The following PROSER2 variants were observed in gnomAD, a reference collection of about 807,000 sequenced individuals.
PROSER2 encodes proline and serine-rich protein 2.
Under a neutral mutation model 14.6 loss-of-function variants are expected in PROSER2, and 18 were observed. The ratio of observed to expected loss-of-function variants is 1.23; its 90% CI spans 0.85 to 1.83. The LOEUF (loss-of-function observed/expected upper bound fraction) is 1.83, where lower values mean the gene tolerates loss of function less well. PROSER2 is among the 40% of genes most tolerant of loss of function. The probability of loss-of-function intolerance (pLI) is 0.00; values close to 1 mark genes in which losing one functional copy is unlikely to be tolerated. For missense variants in PROSER2, 823 were observed against 629.8 expected (o/e 1.31, Z -3.28); for synonymous variants, 367 against 286.4 (o/e 1.28, Z -2.84).
chr10:11,849,528 G>A (rs1342315092), intron 1 of PROSER2: 2 of 152,264 alleles, frequency 1.3e-5, no homozygotes, highest in Non-Finnish European at 2.9e-5. Context: ...TCCCCAAGGT[G>A]AGGTAGGAAA....
At chr10:11,834,419 A>T (rs1370484909) in intron 1 of PROSER2, among the ~76,000 whole-genome samples, 6 of 151,498 alleles carry the variant, frequency 4.0e-5, no homozygotes, top group African/African-American at 1.5e-4. Context: ...GCTCCTTGGC[A>T]GTACAGATGA....
intron 2 of PROSER2, among the ~76,000 whole-genome samples, chr10:11,861,806 T>C (rs1834244727): frequency 6.6e-6 from 1 of 152,154 alleles, no homozygotes; most frequent in East Asian, 1.9e-4. Context: ...GAGTTGGCCA[T>C]GCCTCCCGAG....
At chr10:11,860,444 C>T (rs146539153) in intron 2 of PROSER2, among the ~76,000 whole-genome samples, 15,283 of 151,532 alleles carry the variant, frequency 0.1, 1,014 homozygotes, top group Non-Finnish European at 0.15. Context: ...GTGAAACCCC[C>T]GTCTCTGCTA....
chr10:11,844,926 G>T (rs543326568), intron 1 of PROSER2, among the ~76,000 whole-genome samples: 1 of 152,132 alleles, frequency 6.6e-6, no homozygotes, highest in Non-Finnish European at 1.5e-5. Context: ...CCAGCCTTCC[G>T]CATTCTTTAT....
At chr10:11,839,822 C>CA (rs1209509215) in intron 1 of PROSER2, among the ~76,000 whole-genome samples, 1,197 of 60,624 alleles carry the variant, frequency 0.02, 7 homozygotes, top group South Asian at 0.063. Flanking sequence ...GAGATTGTCT[C>CA]AAAAAAAAAA....
rs531404961 is a variant in PROSER2, at chr10:11,856,928, A to G, written c.138+4713A>G. Among the ~76,000 whole-genome samples the G allele has an allele frequency of 5.9e-5, 9 of 152,318 alleles. No individual in the cohort carries two copies. In the East Asian group the frequency reaches 1.7e-3, roughly 29 times the overall value. On this transcript the variant is annotated intron_variant, in intron 2 of 3. Coordinates refer to ENST00000277570, the MANE Select transcript of PROSER2 (RefSeq NM_153256.4). The surrounding 1 kb of genome is among the most constrained non-coding windows in gnomAD (Gnocchi z 5.3). The stretch of plus-strand genomic sequence containing the variant: ...GGTGCCTTGAGGGAGGAGCCGCCCC[A>G]TCAGCCATAACCCCGCCCTTTCATG...
chr10:11,827,000 T>A (rs948778348), intron 1 of PROSER2, among the ~76,000 whole-genome samples: 1 of 148,918 alleles, frequency 6.7e-6, no homozygotes, highest in African/African-American at 2.5e-5. Context: ...TCCTCCCACC[T>A]CAGCCTCCAG....
chr10:11,855,222 C>A (rs982959997), intron 2 of PROSER2, among the ~76,000 whole-genome samples: 7 of 150,610 alleles, frequency 4.6e-5, no homozygotes, highest in Admixed American at 1.3e-4. Context: ...GCCTGTAATC[C>A]CAGCACTTTG....
Position 11,870,528 on chromosome 10 carries a change from T to G in PROSER2, c.*122T>G. 2.3e-6 allele frequency: 2 copies of G among 866,408 alleles called. No homozygotes were observed. The highest frequency in any genetic ancestry group is 3.3e-6 in the Non-Finnish European group (2 of 606,978). The allele number at this position is 866,408 out of a possible 1,614,324, so 53.7% of individuals were successfully genotyped here. ...TGACAGCGGGAGCCCCTGCCCTCTG[T>G]GGCACATCGGAGTCTAGAGGTGCCT... On this transcript the variant is annotated 3_prime_UTR_variant, in exon 4 of 4. Transcript: ENST00000277570.
chr10:11,852,143 G>A lies in PROSER2; in HGVS notation c.66G>A (p.Arg22=), dbSNP rs1315682235. 33 of 1,613,540 alleles carry A rather than the reference G, an allele frequency of 2.0e-5. No homozygotes were observed. Among genetic ancestry groups the A allele is most frequent in the Non-Finnish European group, 2.7e-5 (32 of 1,179,796 alleles). The stretch of plus-strand genomic sequence containing the variant: ...ACTCAGACACGTCCCCCAGCTGCAG[G>A]CTCCGAGCCTTCAGCAGAGGCGGCA... The part of the protein sequence containing the change: ...DMNSDTSPSC[R]LRAFSRGGSL... The change falls in exon 2 of 4, where the codon AGG becomes AGA. Residue 22 remains arginine (R), a synonymous_variant. Transcript: ENST00000277570.
chr10:11,852,684 ATT>A (rs33939695), intron 2 of PROSER2, among the ~76,000 whole-genome samples: 43,635 of 97,896 alleles, frequency 0.45, 8,568 homozygotes, highest in East Asian at 0.74. Context: ...ACACCCGGCT[ATT>A]TTTTTTTTTT....
chr10:11,864,586 T>C (rs1834307154), intron 2 of PROSER2, among the ~76,000 whole-genome samples: 1 of 141,522 alleles, frequency 7.1e-6, no homozygotes, highest in Non-Finnish European at 1.6e-5. Flanking sequence ...TCTGAATTTT[T>C]TTTTTCTTTT....
Position 11,859,479 on chromosome 10 carries a change from C to T in PROSER2, c.139-7052C>T, listed in dbSNP as rs190317152. Among the ~76,000 whole-genome samples the T allele has an allele frequency of 4.2e-4, 64 of 152,216 alleles. No individual in the cohort carries two copies. The East Asian group carries it at 9.7e-3, about 23-fold the overall frequency. On this transcript the variant is annotated intron_variant, in intron 2 of 3. Coordinates refer to ENST00000277570, the MANE Select transcript of PROSER2 (RefSeq NM_153256.4). ...GAAGGGAATTTACTTTTCTGCTGTC[C>T]GCCTTCTTCTACCTTTCTAACTAAT...
chr10:11,859,906 C>A (rs954800266), intron 2 of PROSER2, among the ~76,000 whole-genome samples: 1 of 152,242 alleles, frequency 6.6e-6, no homozygotes, highest in African/African-American at 2.4e-5. Context: ...ATCGCCATGA[C>A]CTGCTCCCCC....
intron 2 of PROSER2, among the ~76,000 whole-genome samples, chr10:11,861,903 C>T (rs574270239): frequency 1.8e-4 from 27 of 152,298 alleles, no homozygotes; most frequent in Non-Finnish European, 3.7e-4. Context: ...GGGCAGAAAA[C>T]GTGCAAGATG....
intron 3 of PROSER2, among the ~76,000 whole-genome samples, chr10:11,867,140 C>T (rs1290665149): frequency 2.0e-5 from 3 of 151,842 alleles, no homozygotes; most frequent in Admixed American, 1.3e-4. Flanking sequence ...TGACGGGTGC[C>T]TGTAGTCCCA....
At position 11,856,001 on chromosome 10, in the gene PROSER2, G is replaced by T. The variant is rs945804107; in HGVS notation, c.138+3786G>T. On this transcript the variant is annotated intron_variant, in intron 2 of 3. Transcript: ENST00000277570. The surrounding 1 kb of genome is among the most constrained non-coding windows in gnomAD (Gnocchi z 5.3). The stretch of plus-strand genomic sequence containing the variant: ...TGAAAGGTATAGGTAGAACTAGAAT[G>T]AGTTGTCCAAATCCTAGAATATGTG... 6.6e-6 allele frequency among the ~76,000 whole-genome samples: 1 copy of T among 152,164 alleles called. No individual in the cohort carries two copies. Among genetic ancestry groups the T allele is most frequent in the Non-Finnish European group, 1.5e-5 (1 of 68,026 alleles).
chr10:11,853,279 G>A (rs1354475477), intron 2 of PROSER2, among the ~76,000 whole-genome samples: 5 of 152,104 alleles, frequency 3.3e-5, no homozygotes, highest in African/African-American at 1.2e-4. Context: ...AACCATTATG[G>A]TAATATGTGA....
chr10:11,870,593 G>A lies in PROSER2; in HGVS notation c.*187G>A. On this transcript the variant is annotated 3_prime_UTR_variant, in exon 4 of 4. Transcript: ENST00000277570. ...GGCTGAGCACGCACCGCAAGCTCCA[G>A]CCACCGGCACAGAGAACTCTTCCCT... 2.0e-6 allele frequency: 1 copy of A among 489,122 alleles called. No homozygotes were observed. Among genetic ancestry groups the A allele is most frequent in the East Asian group, 3.6e-5 (1 of 27,834 alleles). The allele number at this position is 489,122 out of a possible 1,614,324, so 30.3% of individuals were successfully genotyped here.
Sources: gnomAD v4.1 joint callset for allele counts (sites outside exome capture counted in the v4.1 genomes callset) on GRCh38, gnomAD v4.1.1 for gene constraint, Gnocchi (gnomAD v3.1) non-coding constraint, MANE v1.5 for transcripts, NCBI Gene and HGNC (gene_info 2026-07-23, HGNC 2026-07-21) for gene names.